Variants in MAP4 observed in about 807,000 individuals in gnomAD.
MAP4 encodes the protein microtubule-associated protein 4.
A neutral mutation model predicts 170.2 loss-of-function variants in MAP4; 76 were observed. That is an observed-to-expected ratio of 0.45 (90% CI 0.37 to 0.54). The LOEUF (loss-of-function observed/expected upper bound fraction) is 0.54, where lower values mean the gene tolerates loss of function less well. Ranked by LOEUF, MAP4 falls within the 20% of genes least tolerant of loss-of-function variation. MAP4 has a pLI of 0.00. For synonymous variants in MAP4, 909 were observed against 994.5 expected, an observed-to-expected ratio of 0.91 and a Z score of 1.62; for missense variants, 2,506 against 2,748.0, an observed-to-expected ratio of 0.91 and a Z score of 1.97.
intron 1 of MAP4, among the ~76,000 whole-genome samples, chr3:48,041,274 G>A (rs1256503059): frequency 6.6e-6 from 1 of 151,912 alleles, no homozygotes; most frequent in Non-Finnish European, 1.5e-5. Flanking sequence ...ACCATGCCCG[G>A]CTAATTTTTG....
intron 10 of MAP4, among the ~76,000 whole-genome samples, chr3:47,880,166 A>G (rs2152576050): frequency 6.6e-6 from 1 of 150,550 alleles, no homozygotes; most frequent in South Asian, 2.1e-4. Flanking sequence ...CAGTGGTGTG[A>G]TCTCAGCTCA....
In MAP4 at chr3:47,910,250, G is replaced by T; in HGVS notation, c.4171C>A (p.His1391Asn). 1 of 1,607,890 alleles carries T rather than the reference G, an allele frequency of 6.2e-7. No homozygotes were observed. Among genetic ancestry groups the T allele is most frequent in the Non-Finnish European group, 8.5e-7 (1 of 1,179,676 alleles). The part of the protein sequence containing the change: ...LENKIDATKI[H>N]VPMETTGDQG... ...TCCCCTGTGGTTTCCATGGGAACAT[G>T]TATTTTTGTTGCATCTATCTTATTC... is the stretch of plus-strand genomic sequence containing the variant. The change falls in exon 9 of 21, where the codon CAT becomes AAT. Residue 1391 changes from histidine (H) to asparagine (N), a missense_variant. This residue lies in a region of MAP4 where 2,008 missense variants were observed against 2,206.0 expected (regional missense o/e 0.91). Coordinates refer to ENST00000683076, the MANE Select transcript of MAP4 (RefSeq NM_001385682.1).
At chr3:47,935,553 C>T (rs917465827) in intron 3 of MAP4, among the ~76,000 whole-genome samples, 1 of 152,068 alleles carries the variant, frequency 6.6e-6, no homozygotes, top group African/African-American at 2.4e-5. Context: ...GCTTTCCCCA[C>T]CGAAGAAGTA....
chr3:47,889,605 C>CA (rs1216990955), intron 10 of MAP4, among the ~76,000 whole-genome samples: 1 of 152,198 alleles, frequency 6.6e-6, no homozygotes, highest in African/African-American at 2.4e-5. Context: ...GTGGATTTGT[C>CA]AGTCATCTGA....
Position 47,911,623 on chromosome 3 carries a change from G to A in MAP4, c.2798C>T (p.Ala933Val). ...ATCCAAAGGGGTTTCTACATTGTAT[G>A]CAGAAACTTCTGCTAGGGGTCCTTT... ...NLKGPLAEVS[A>V]YNVETPLDIR... is the part of the protein sequence containing the mutation. Residue 933 changes from alanine (A) to valine (V), a missense_variant, in exon 9 of 21, where the codon GCA (alanine) becomes GTA (valine). Around this residue, in one of 3 missense-constraint regions of MAP4, gnomAD observed 2,008 missense variants for 2,206.0 expected, o/e 0.91. Coordinates refer to ENST00000683076, the MANE Select transcript of MAP4 (RefSeq NM_001385682.1). This position sits in a 1 kb window ranked among gnomAD's most constrained non-coding sequence, Gnocchi z 4.0. 1.3e-6 allele frequency: 2 copies of A among 1,536,116 alleles called. No individual in the cohort carries two copies. Among genetic ancestry groups the A allele is most frequent in the Non-Finnish European group, 1.7e-6 (2 of 1,146,904 alleles).
At chr3:47,862,392 TGTAGA>T (rs1463731678) in intron 17 of MAP4, among the ~76,000 whole-genome samples, 7 of 146,472 alleles carry the variant, frequency 4.8e-5, no homozygotes, top group Non-Finnish European at 1.0e-4. Context: ...AGTGGGGACT[TGTAGA>T]GTAAAAACAG....
intron 3 of MAP4, among the ~76,000 whole-genome samples, chr3:47,957,479 A>G (rs1169162106): frequency 6.6e-6 from 1 of 152,052 alleles, no homozygotes; most frequent in African/African-American, 2.4e-5. Flanking sequence ...CCAAAAAAAA[A>G]GATGTATTTT....
At chr3:48,076,719 G>GA (rs1222580982) in intron 1 of MAP4, among the ~76,000 whole-genome samples, 10 of 151,846 alleles carry the variant, frequency 6.6e-5, no homozygotes, top group African/African-American at 2.4e-4. Flanking sequence ...ACAAACGAAT[G>GA]AAAAAAACAA....
intron 17 of MAP4, 65 bp downstream of exon 17, chr3:47,867,181 C>T: frequency 8.7e-7 from 1 of 1,145,278 alleles, no homozygotes; most frequent in South Asian, 1.3e-5. Flanking sequence ...GCACCTGGCT[C>T]TCTCCCTAGT....
intron 3 of MAP4, among the ~76,000 whole-genome samples, chr3:47,970,558 C>T (rs1294073625): frequency 6.6e-6 from 1 of 151,922 alleles, no homozygotes; most frequent in African/African-American, 2.4e-5. Flanking sequence ...ACCTACAATC[C>T]CAGCACTTTG....
chr3:48,081,072 C>T (rs1237876350), intron 1 of MAP4, among the ~76,000 whole-genome samples: 1 of 152,086 alleles, frequency 6.6e-6, no homozygotes, highest in African/African-American at 2.4e-5. Flanking sequence ...TTCAGTGAGC[C>T]GAGATCATGC....
Position 47,852,643 on chromosome 3 carries a change from T to TGATGGGGCAAGACCAAAGCAGGGA in MAP4, c.*267_*290dup. 1 of 1,124,640 alleles carries TGATGGGGCAAGACCAAAGCAGGGA rather than the reference T, an allele frequency of 8.9e-7. No individual in the cohort carries two copies. Among genetic ancestry groups the TGATGGGGCAAGACCAAAGCAGGGA allele is most frequent in the Non-Finnish European group, 1.2e-6 (1 of 814,584 alleles). 69.7% of individuals were successfully genotyped at this position (1,124,640 alleles called of 1,614,324 possible). ...CCTCCTCCACGGAGCAGTGGCGCAG[T>TGATGGGGCAAGACCAAAGCAGGGA]GATGGGGCAAGACCAAAGCAGGGAG... On this transcript the variant is annotated 3_prime_UTR_variant, in exon 21 of 21. Transcript: ENST00000683076.
chr3:48,081,221 C>T (rs2100146514), intron 1 of MAP4, among the ~76,000 whole-genome samples: 1 of 152,022 alleles, frequency 6.6e-6, no homozygotes, highest in African/African-American at 2.4e-5. Flanking sequence ...ACCCCGGAGG[C>T]GCAGCTTGCA....
intron 17 of MAP4, 85 bp from the exon 18 acceptor site, chr3:47,857,597 T>TAA (rs1476948565): frequency 5.5e-4 from 504 of 911,794 alleles, no homozygotes; most frequent in East Asian, 9.9e-4. Context: ...ATCTTCTCCA[T>TAA]GTTCAGGGTT....
At chr3:48,086,563 C>G (rs906972888) in intron 1 of MAP4, among the ~76,000 whole-genome samples, 4 of 152,098 alleles carry the variant, frequency 2.6e-5, no homozygotes, top group Non-Finnish European at 4.4e-5. Flanking sequence ...TGCTTGAACT[C>G]CGGAGGTAGA....
intron 9 of MAP4, among the ~76,000 whole-genome samples, chr3:47,907,007 G>T (rs2100033473): frequency 6.6e-6 from 1 of 151,998 alleles, no homozygotes; most frequent in African/African-American, 2.4e-5. Flanking sequence ...AGCTAGTTTT[G>T]TATTTTTAGT....
chr3:47,916,045 A>C lies in MAP4; in HGVS notation c.1782T>G (p.Ile594Met). 6.2e-7 allele frequency: 1 copy of C among 1,614,216 alleles called. No homozygotes were observed. The highest frequency in any genetic ancestry group is 8.5e-7 in the Non-Finnish European group (1 of 1,180,044). The change falls in exon 7 of 21, where the codon ATT becomes ATG. Residue 594 changes from isoleucine (I) to methionine (M), a missense_variant. Ile to Met is a conservative substitution (Grantham distance 10). Coordinates refer to ENST00000683076, the MANE Select transcript of MAP4 (RefSeq NM_001385682.1). ...CACTTATTCCTTTTTGTGTTTGTGC[A>C]ATTTCCATGTCTTTAATTGGAACTG... ...ATPVPIKDME[I>M]AQTQKGISED...
intron 3 of MAP4, among the ~76,000 whole-genome samples, chr3:47,939,842 A>AT (rs1490377221): frequency 1.3e-5 from 2 of 150,238 alleles, no homozygotes; most frequent in African/African-American, 4.9e-5. Flanking sequence ...TGTTTTTTTC[A>AT]TTTTTTTAAA....
chr3:47,942,459 A>G (rs1175109818), intron 3 of MAP4, among the ~76,000 whole-genome samples: 1 of 152,134 alleles, frequency 6.6e-6, no homozygotes, highest in Non-Finnish European at 1.5e-5. Context: ...AGGCATAATT[A>G]TAGCTCACTG....
Sources: allele counts gnomAD v4.1 joint callset (sites outside exome capture counted in the v4.1 genomes callset), GRCh38; gene constraint gnomAD v4.1.1; regional missense constraint gnomAD v4.1.1; non-coding constraint Gnocchi (gnomAD v3.1); transcripts MANE v1.5; gene names NCBI Gene and HGNC (gene_info 2026-07-23, HGNC 2026-07-21).